Variants in MTTP observed in about 807,000 individuals in gnomAD.
MTTP encodes the protein microsomal triglyceride transfer protein.
Under a neutral mutation model 90.6 loss-of-function variants are expected in MTTP, and 49 were observed. That is an observed-to-expected ratio of 0.54 (90% confidence interval 0.43 to 0.69). The LOEUF (loss-of-function observed/expected upper bound fraction) is 0.69. Ranked by LOEUF, MTTP falls within the 30% of genes least tolerant of loss-of-function variation. MTTP has a pLI of 0.00. For synonymous variants in MTTP, 347 were observed against 384.2 expected, an observed-to-expected ratio of 0.90 and a Z score of 1.13; for missense variants, 945 against 1,067.5, an observed-to-expected ratio of 0.89 and a Z score of 1.60.
At position 99,582,580 on chromosome 4, in the gene MTTP, G is replaced by A. The variant is rs904729570; in HGVS notation, c.249+488G>A. Among the ~76,000 whole-genome samples the A allele has an allele frequency of 3.3e-5, 5 of 152,288 alleles. No homozygotes were observed. In the South Asian group the frequency reaches 1.0e-3, roughly 32 times the overall value. On this transcript the variant is annotated intron_variant, in intron 2 of 17. Coordinates refer to ENST00000265517, the MANE Select transcript of MTTP (RefSeq NM_001386140.1). ...TCCCCTGAATAACAGTGTTTGGTCAGTTAAAATGGTTTAGATTTATGTGCT... is the reference window on the plus strand; with the variant it reads ...TCCCCTGAATAACAGTGTTTGGTCAATTAAAATGGTTTAGATTTATGTGCT...
At chr4:99,617,370 T>G (rs370492856) in intron 15 of MTTP, among the ~76,000 whole-genome samples, 1 of 152,194 alleles carries the variant, frequency 6.6e-6, no homozygotes, top group Non-Finnish European at 1.5e-5. Flanking sequence ...CGTACTTTTT[T>G]AATACACCTG....
At chr4:99,607,467 A>G (rs1725844465) in intron 11 of MTTP, among the ~76,000 whole-genome samples, 1 of 152,134 alleles carries the variant, frequency 6.6e-6, no homozygotes, top group Non-Finnish European at 1.5e-5. Context: ...CATGATGGTT[A>G]GGGGCACAGG....
At chr4:99,609,737 A>G (rs769342074) in intron 12 of MTTP, among the ~76,000 whole-genome samples, 5 of 152,178 alleles carry the variant, frequency 3.3e-5, no homozygotes, top group Non-Finnish European at 7.3e-5. Flanking sequence ...AAGGACTAAG[A>G]CTGAAGGAAG....
intron 12 of MTTP, among the ~76,000 whole-genome samples, chr4:99,609,550 C>T (rs1428542587): frequency 1.3e-5 from 2 of 152,148 alleles, no homozygotes; most frequent in African/African-American, 2.4e-5. Context: ...CCCAAGGTGC[C>T]TCCTCCCTGG....
Position 99,583,369 on chromosome 4 carries a change from T to C in MTTP, c.250-5T>C. 1 of 1,612,868 alleles carries C rather than the reference T, an allele frequency of 6.2e-7. No homozygotes were observed. The highest frequency in any genetic ancestry group is 8.5e-7 in the Non-Finnish European group (1 of 1,179,538). On this transcript the variant is annotated splice_polypyrimidine_tract_variant and splice_region_variant and intron_variant, in intron 2 of 17. Transcript: ENST00000265517. ...TTTTTAACAGCTTTCTTTCTGTTAC[T>C]CCAGATGAAGGATGTAAATGTTGAA...
intron 3 of MTTP, among the ~76,000 whole-genome samples, chr4:99,586,996 C>T (rs1725273576): frequency 6.6e-6 from 1 of 152,116 alleles, no homozygotes; most frequent in African/African-American, 2.4e-5. Context: ...AGAACCTGTG[C>T]TCTTGGATGT....
At chr4:99,621,421 A>ACG (rs1726229646) in intron 17 of MTTP, among the ~76,000 whole-genome samples, 190 bp downstream of exon 17, 1 of 152,164 alleles carries the variant, frequency 6.6e-6, no homozygotes, top group African/African-American at 2.4e-5. Flanking sequence ...ATACCAAAAA[A>ACG]AAATCTAATG....
chr4:99,567,853 A>T (rs1724740551), intron 1 of MTTP, among the ~76,000 whole-genome samples: 1 of 152,190 alleles, frequency 6.6e-6, no homozygotes, highest in African/African-American at 2.4e-5. Flanking sequence ...ACTGGAAAAG[A>T]TATTCTACCC....
At chr4:99,583,810 T>C (rs1443491826) in intron 3 of MTTP, 1 of 549,834 alleles carries the variant, frequency 1.8e-6, no homozygotes, top group Non-Finnish European at 3.2e-6. Flanking sequence ...TCTCATCAAA[T>C]TATAAGGGAT....
chr4:99,588,702 C>T lies in MTTP; in HGVS notation c.394-941C>T, dbSNP rs569772011. On this transcript the variant is annotated intron_variant, in intron 3 of 17. Coordinates refer to ENST00000265517, the MANE Select transcript of MTTP (RefSeq NM_001386140.1). ...AGCCTTCTGAATATATATATACACA[C>T]ATATATATATATGTTCATATATATA... Among the ~76,000 whole-genome samples, 65 of 121,656 alleles carry T rather than the reference C, an allele frequency of 5.3e-4. 1 individual carries two copies. Among genetic ancestry groups the T allele is most frequent in the African/African-American group, 2.0e-3 (61 of 30,624 alleles). The allele number at this position is 121,656 out of a possible 152,430, so 79.8% of individuals were successfully genotyped here.
chr4:99,575,000 T>C (rs1182995118), intron 1 of MTTP, 30 bp downstream of exon 1: 7 of 1,611,650 alleles, frequency 4.3e-6, no homozygotes, highest in Middle Eastern at 3.5e-4. Context: ...TGCTAAACTT[T>C]AATTTCCATC....
At chr4:99,567,893 T>G (rs1239848268) in intron 1 of MTTP, among the ~76,000 whole-genome samples, 2 of 152,044 alleles carry the variant, frequency 1.3e-5, no homozygotes, top group East Asian at 3.9e-4. Flanking sequence ...ACAGAATAAC[T>G]TAGCCTAAAA....
chr4:99,598,396 A>C (rs1475312407), intron 8 of MTTP, among the ~76,000 whole-genome samples: 1 of 152,178 alleles, frequency 6.6e-6, no homozygotes, highest in Non-Finnish European at 1.5e-5. Flanking sequence ...TAAAAGTGGA[A>C]TAATTAGGTA....
chr4:99,594,203 A>C (rs978145410), intron 6 of MTTP, among the ~76,000 whole-genome samples: 1 of 152,220 alleles, frequency 6.6e-6, no homozygotes, highest in South Asian at 2.1e-4. Context: ...TAGAGATCAC[A>C]CAGTGTTACT....
At chr4:99,620,713 G>C (rs970017116) in intron 16 of MTTP, among the ~76,000 whole-genome samples, 1 of 152,140 alleles carries the variant, frequency 6.6e-6, no homozygotes, top group African/African-American at 2.4e-5. Flanking sequence ...AATATAACTT[G>C]GGTATTTCTG....
intron 14 of MTTP, among the ~76,000 whole-genome samples, chr4:99,612,458 C>G (rs943690900): frequency 3.3e-5 from 5 of 151,112 alleles, no homozygotes; most frequent in Non-Finnish European, 5.9e-5. Context: ...ATAGCAGCAG[C>G]CTTAGAATGA....
At chr4:99,606,278 G>T (rs1725815113) in intron 10 of MTTP, among the ~76,000 whole-genome samples, 1 of 152,114 alleles carries the variant, frequency 6.6e-6, no homozygotes, top group African/African-American at 2.4e-5. Flanking sequence ...ATTAAATTTG[G>T]AATTAAGTGA....
intron 1 of MTTP, among the ~76,000 whole-genome samples, chr4:99,569,698 G>C (rs1724792046): frequency 6.6e-6 from 1 of 151,904 alleles, no homozygotes; most frequent in Non-Finnish European, 1.5e-5. Flanking sequence ...GGTGTTCAGT[G>C]AATATTGTTC....
Position 99,618,966 on chromosome 4 carries a change from TC to T in MTTP, c.2218-7del. On this transcript the variant is annotated splice_polypyrimidine_tract_variant and splice_region_variant and intron_variant, in intron 15 of 17. Coordinates refer to ENST00000265517, the MANE Select transcript of MTTP (RefSeq NM_001386140.1). Reference sequence around the variant, plus strand: ...TTTTATAACTATTATTATGCTTTTTTCTTCTAGGAACTTCAGTTACAATCTG... The same window carrying T: ...TTTTATAACTATTATTATGCTTTTTTTTCTAGGAACTTCAGTTACAATCTG... 6.2e-7 allele frequency: 1 copy of T among 1,610,994 alleles called. No individual in the cohort carries two copies. The highest frequency in any genetic ancestry group is 8.5e-7 in the Non-Finnish European group (1 of 1,177,438).
Sources: allele counts gnomAD v4.1 joint callset (sites outside exome capture counted in the v4.1 genomes callset), GRCh38; gene constraint gnomAD v4.1.1; transcripts MANE v1.5; gene names NCBI Gene and HGNC (gene_info 2026-07-23, HGNC 2026-07-21).